Variants in CLDN3 observed in about 807,000 individuals in gnomAD.
The protein encoded by CLDN3 is claudin 3.
A neutral mutation model predicts 16.3 loss-of-function variants in CLDN3; 6 were observed. That is an observed-to-expected ratio of 0.37 (90% CI 0.20 to 0.73). CLDN3 has a LOEUF of 0.73. Among genes scored for constraint, CLDN3 ranks in the 30% least tolerant of loss-of-function variants. CLDN3 has a pLI of 0.52. For missense variants in CLDN3, 248 were observed against 305.2 expected, an observed-to-expected ratio of 0.81 and a Z score of 1.40; for synonymous variants, 145 against 150.1, an observed-to-expected ratio of 0.97 and a Z score of 0.25.
Position 73,769,721 on chromosome 7 carries a change from T to A in CLDN3, c.329A>T (p.Asp110Val). ...GAQCTNCVQD[D>V]TAKAKITIVA... is the part of the protein sequence containing the mutation. Reference sequence around the variant, plus strand: ...GATGGTGATCTTGGCCTTGGCCGTGTCGTCCTGCACGCAGTTGGTGCACTG... The same window carrying A: ...GATGGTGATCTTGGCCTTGGCCGTGACGTCCTGCACGCAGTTGGTGCACTG... Residue 110 changes from aspartate (D) to valine (V), a missense_variant, in exon 1 of 1, where the codon GAC becomes GTC. Physicochemically the swap from Asp to Val is radical, Grantham distance 152. Transcript: ENST00000395145. 2 of 1,612,146 alleles carry A rather than the reference T, an allele frequency of 1.2e-6. No homozygotes were observed. The highest frequency in any genetic ancestry group is 1.7e-6 in the Non-Finnish European group (2 of 1,179,458).
In CLDN3 at chr7:73,769,648, C is replaced by G. The variant is rs1787015228; in HGVS notation, c.402G>C (p.Pro134=). Reference sequence around the variant, plus strand: ...TAATGGTGTTGGCCGACCAGGACACCGGCACGAGGGTGAGCAGGGCGGCGA... The same window carrying G: ...TAATGGTGTTGGCCGACCAGGACACGGGCACGAGGGTGAGCAGGGCGGCGA... ...FLLAALLTLV[P]VSWSANTIIR... Residue 134 remains proline, a synonymous_variant, in exon 1 of 1, where the codon CCG becomes CCC. Transcript: ENST00000395145. The G allele has an allele frequency of 6.2e-7, 1 of 1,612,918 alleles. No individual in the cohort carries two copies. Among genetic ancestry groups the G allele is most frequent in the Non-Finnish European group, 8.5e-7 (1 of 1,179,812 alleles).
Position 73,769,736 on chromosome 7 carries a change from TTGG to T in CLDN3, c.311_313del (p.Thr104del). ...CTTGGCCGTGTCGTCCTGCACGCAG[TTGG>T]TGCACTGGGCGCCCACCAGCGCCAC... On this transcript the variant is annotated inframe_deletion, in exon 1 of 1. Coordinates refer to ENST00000395145, the MANE Select transcript of CLDN3 (RefSeq NM_001306.4). 1 of 1,611,576 alleles carries T rather than the reference TTGG, an allele frequency of 6.2e-7. No homozygotes were observed. The highest frequency in any genetic ancestry group is 8.5e-7 in the Non-Finnish European group (1 of 1,179,038).
Position 73,769,097 on chromosome 7 carries a change from G to T in CLDN3, c.*290C>A. ...TGGGGGCAGCGGCCCGATGGGGCTC[G>T]ACGGGGTGGTCAAGTATTGGCGGTC... On this transcript the variant is annotated 3_prime_UTR_variant, in exon 1 of 1. Transcript: ENST00000395145. 1.5e-6 allele frequency: 1 copy of T among 654,828 alleles called. No homozygotes were observed. Among genetic ancestry groups the T allele is most frequent in the Non-Finnish European group, 2.3e-6 (1 of 433,640 alleles). The allele number at this position is 654,828 out of a possible 1,614,324, so 40.6% of individuals were successfully genotyped here. A position where few individuals can be genotyped will look rare whatever the true frequency, so the allele number is the denominator to read the frequency against.
Position 73,769,720 on chromosome 7 carries a change from G to A in CLDN3, c.330C>T (p.Asp110=), listed in dbSNP as rs201876500. 1.4e-5 allele frequency: 22 copies of A among 1,612,128 alleles called. No individual in the cohort carries two copies. The Admixed American group carries it at 3.7e-4, about 27-fold the overall frequency. Residue 110 remains aspartate, a synonymous_variant, in exon 1 of 1, where the codon GAC becomes GAT. Transcript: ENST00000395145. ...GAQCTNCVQD[D]TAKAKITIVA... ...CGATGGTGATCTTGGCCTTGGCCGT[G>A]TCGTCCTGCACGCAGTTGGTGCACT... is the stretch of plus-strand genomic sequence containing the variant.
rs149948419 is a variant in CLDN3 at position 73,769,800 on chromosome 7, C to G, written c.250G>C (p.Val84Leu). 95 of 1,611,882 alleles carry G rather than the reference C, an allele frequency of 5.9e-5. No individual in the cohort carries two copies. The African/African-American group carries it at 1.0e-3, about 18-fold the overall frequency. ...QDLQAARALIVVAILLAAFGL... is the reference protein window; with the variant it reads ...QDLQAARALILVAILLAAFGL... ...AAGGCGGCCAGCAGGATGGCCACCA[C>G]GATGAGGGCGCGGGCCGCCTGAAGG... is the stretch of plus-strand genomic sequence containing the variant. The change falls in exon 1 of 1, where the codon GTG (valine) becomes CTG (leucine). Residue 84 changes from valine to leucine, a missense_variant. Physicochemically the swap from Val to Leu is conservative, Grantham distance 32 (BLOSUM62 1). Transcript: ENST00000395145.
At position 73,769,527 on chromosome 7, in the gene CLDN3, G is replaced by A. The variant is rs550289178; in HGVS notation, c.523C>T (p.Leu175=). The A allele has an allele frequency of 1.9e-6, 3 of 1,605,788 alleles. No individual in the cohort carries two copies. The highest frequency in any genetic ancestry group is 2.2e-5 in the East Asian group (1 of 44,758). The change falls in exon 1 of 1, where the codon CTG becomes TTG. Residue 175 remains leucine, a synonymous_variant. Transcript: ENST00000395145. ...VGWAAAALQL[L]GGALLCCSCP... is the part of the protein sequence containing the mutation. ...GAGCAGCAGAGCAGCGCGCCCCCCA[G>A]CAGCTGCAGCGCCGCGGCCGCCCAG...
rs1786999812 is a variant in CLDN3 at position 73,769,129 on chromosome 7, GC to G, written c.*257del. 2 of 900,834 alleles carry G rather than the reference GC, an allele frequency of 2.2e-6. No individual in the cohort carries two copies. Among genetic ancestry groups the G allele is most frequent in the Admixed American group, 7.2e-5 (2 of 27,644 alleles). The allele number at this position is 900,834 out of a possible 1,614,324, so 55.8% of individuals were successfully genotyped here. The stretch of plus-strand genomic sequence containing the variant: ...TGGTCAAGTATTGGCGGTCACCCAG[GC>G]CCCGTGCTCCAGAAGGGTGAGGTTT... On this transcript the variant is annotated 3_prime_UTR_variant, in exon 1 of 1. Transcript: ENST00000395145.
rs377022903 is a variant in CLDN3, at chr7:73,769,123, A to AC, written c.*263dup. 5.8e-5 allele frequency: 49 copies of AC among 841,860 alleles called. No homozygotes were observed. The African/African-American group carries it at 8.3e-4, about 14-fold the overall frequency. 52.1% of individuals were successfully genotyped at this position (841,860 alleles called of 1,614,324 possible). The stretch of plus-strand genomic sequence containing the variant: ...ACGGGGTGGTCAAGTATTGGCGGTC[A>AC]CCCAGGCCCCGTGCTCCAGAAGGGT... On this transcript the variant is annotated 3_prime_UTR_variant, in exon 1 of 1. Transcript: ENST00000395145.
Position 73,769,004 on chromosome 7 carries a change from C to G in CLDN3, c.*383G>C. ...CAAGGAGGCTCCAGCGAGTGCAAAA[C>G]GAAAGGCTTTTATTGAAAAATATCA... On this transcript the variant is annotated 3_prime_UTR_variant, in exon 1 of 1. Transcript: ENST00000395145. The G allele has an allele frequency of 3.7e-6, 1 of 270,730 alleles. No homozygotes were observed. Among genetic ancestry groups the G allele is most frequent in the Non-Finnish European group, 6.9e-6 (1 of 144,594 alleles). 16.8% of individuals were successfully genotyped at this position (270,730 alleles called of 1,614,324 possible). A position where few individuals can be genotyped will look rare whatever the true frequency, so the allele number is the denominator to read the frequency against.
rs985607693 is a variant in CLDN3 at position 73,770,137 on chromosome 7, G to A, written c.-88C>T. 64 of 1,379,008 alleles carry A rather than the reference G, an allele frequency of 4.6e-5. No homozygotes were observed. The highest frequency in any genetic ancestry group is 5.3e-5 in the Non-Finnish European group (57 of 1,073,216). The allele number at this position is 1,379,008 out of a possible 1,614,324, so 85.4% of individuals were successfully genotyped here. On this transcript the variant is annotated 5_prime_UTR_variant, in exon 1 of 1. Coordinates refer to ENST00000395145, the MANE Select transcript of CLDN3 (RefSeq NM_001306.4). The surrounding 1 kb of genome is among the most constrained non-coding windows in gnomAD (Gnocchi z 5.7). ...GCCGCTGGGCCTGGCGGGAGCTGCG[G>A]CGCCCCGACGGACGGACGGACGGAC...
rs1371553745 is a variant in CLDN3 at position 73,769,086 on chromosome 7, C to G, written c.*301G>C. On this transcript the variant is annotated 3_prime_UTR_variant, in exon 1 of 1. Coordinates refer to ENST00000395145, the MANE Select transcript of CLDN3 (RefSeq NM_001306.4). ...CAGCGCGAGCATGGGGGCAGCGGCCCGATGGGGCTCGACGGGGTGGTCAAG... is the reference window on the plus strand; with the variant it reads ...CAGCGCGAGCATGGGGGCAGCGGCCGGATGGGGCTCGACGGGGTGGTCAAG... The G allele has an allele frequency of 1.0e-5, 6 of 580,510 alleles. No individual in the cohort carries two copies. The highest frequency in any genetic ancestry group is 7.8e-5 in the Admixed American group (2 of 25,570). The allele number at this position is 580,510 out of a possible 1,614,324, so 36.0% of individuals were successfully genotyped here. A position where few individuals can be genotyped will look rare whatever the true frequency, so the allele number is the denominator to read the frequency against.
At position 73,769,756 on chromosome 7, in the gene CLDN3, C is replaced by G; in HGVS notation, c.294G>C (p.Leu98=). The G allele has an allele frequency of 6.2e-7, 1 of 1,610,746 alleles. No homozygotes were observed. Among genetic ancestry groups the G allele is most frequent in the African/African-American group, 1.3e-5 (1 of 75,036 alleles). The part of the protein sequence containing the change: ...LLAAFGLLVA[L]VGAQCTNCVQ... ...CGCAGTTGGTGCACTGGGCGCCCAC[C>G]AGCGCCACTAGCAGCCCGAAGGCGG... Residue 98 remains leucine, a synonymous_variant, in exon 1 of 1, where the codon CTG becomes CTC. Coordinates refer to ENST00000395145, the MANE Select transcript of CLDN3 (RefSeq NM_001306.4).
chr7:73,769,674 G>A lies in CLDN3; in HGVS notation c.376C>T (p.Leu126Phe). Residue 126 changes from leucine to phenylalanine, a missense_variant, in exon 1 of 1, where the codon CTC becomes TTC. Leu to Phe is a conservative substitution (Grantham distance 22). Transcript: ENST00000395145. ...GGCACGAGGGTGAGCAGGGCGGCGA[G>A]AAGGAACAGCACGCCTGCCACGATG... is the stretch of plus-strand genomic sequence containing the variant. Reference protein sequence around the residue: ...ITIVAGVLFLLAALLTLVPVS... With the variant: ...ITIVAGVLFLFAALLTLVPVS... The A allele has an allele frequency of 6.2e-7, 1 of 1,612,924 alleles. No individual in the cohort carries two copies. The highest frequency in any genetic ancestry group is 2.2e-5 in the East Asian group (1 of 44,862).
Position 73,770,126 on chromosome 7 carries a change from C to T in CLDN3, c.-77G>A, listed in dbSNP as rs1787026383. On this transcript the variant is annotated 5_prime_UTR_variant, in exon 1 of 1. Transcript: ENST00000395145. The surrounding 1 kb of genome is among the most constrained non-coding windows in gnomAD (Gnocchi z 5.7). ...GAGGGGCCGGGGCCGCTGGGCCTGG[C>T]GGGAGCTGCGGCGCCCCGACGGACG... 3 of 1,383,224 alleles carry T rather than the reference C, an allele frequency of 2.2e-6. No homozygotes were observed. Among genetic ancestry groups the T allele is most frequent in the Non-Finnish European group, 2.8e-6 (3 of 1,075,394 alleles). 85.7% of individuals were successfully genotyped at this position (1,383,224 alleles called of 1,614,324 possible). A position where few individuals can be genotyped will look rare whatever the true frequency, so the allele number is the denominator to read the frequency against.
Position 73,769,975 on chromosome 7 carries a change from C to T in CLDN3, c.75G>A (p.Ala25=). The change falls in exon 1 of 1, where the codon GCG becomes GCA. Residue 25 remains alanine (A), a synonymous_variant. Transcript: ENST00000395145. ...AGGCCGACACGCGCCACATGGGCAA[C>T]GCGCAGCACACGATGGTGCCCAGCC... ...LGWLGTIVCC[A]LPMWRVSAFI... is the part of the protein sequence containing the mutation. 6.2e-7 allele frequency: 1 copy of T among 1,613,344 alleles called. No homozygotes were observed.
At position 73,769,749 on chromosome 7, in the gene CLDN3, C is replaced by A. The variant is rs1554626707; in HGVS notation, c.301G>T (p.Ala101Ser). The A allele has an allele frequency of 6.2e-7, 1 of 1,609,954 alleles. No homozygotes were observed. Among genetic ancestry groups the A allele is most frequent in the African/African-American group, 1.3e-5 (1 of 74,898 alleles). The stretch of plus-strand genomic sequence containing the variant: ...TCCTGCACGCAGTTGGTGCACTGGG[C>A]GCCCACCAGCGCCACTAGCAGCCCG... ...AFGLLVALVG[A>S]QCTNCVQDDT... The change falls in exon 1 of 1, where the codon GCC becomes TCC. Residue 101 changes from alanine to serine, a missense_variant. By Grantham distance (99) the Ala-to-Ser change is moderately conservative. Coordinates refer to ENST00000395145, the MANE Select transcript of CLDN3 (RefSeq NM_001306.4).
chr7:73,769,202 G>C lies in CLDN3; in HGVS notation c.*185C>G. 2 of 1,407,006 alleles carry C rather than the reference G, an allele frequency of 1.4e-6. No individual in the cohort carries two copies. The highest frequency in any genetic ancestry group is 1.9e-6 in the Non-Finnish European group (2 of 1,080,216). 87.2% of individuals were successfully genotyped at this position (1,407,006 alleles called of 1,614,324 possible). ...CCTGGGCCCCGAAGTCGACTGCCCGGCCCGCAAAGCCGTGGCTGCTGGGGA... is the reference window on the plus strand; with the variant it reads ...CCTGGGCCCCGAAGTCGACTGCCCGCCCCGCAAAGCCGTGGCTGCTGGGGA... On this transcript the variant is annotated 3_prime_UTR_variant, in exon 1 of 1. Coordinates refer to ENST00000395145, the MANE Select transcript of CLDN3 (RefSeq NM_001306.4).
In CLDN3 at chr7:73,769,328, C is replaced by T. The variant is rs1316035574; in HGVS notation, c.*59G>A. ...ATGGCCTGGTGCGCGCTCCAGCTCGCGGTGGTGGTGGTGGTGTTGGTGGTG... is the reference window on the plus strand; with the variant it reads ...ATGGCCTGGTGCGCGCTCCAGCTCGTGGTGGTGGTGGTGGTGTTGGTGGTG... On this transcript the variant is annotated 3_prime_UTR_variant, in exon 1 of 1. Transcript: ENST00000395145. 14 of 1,536,384 alleles carry T rather than the reference C, an allele frequency of 9.1e-6. No individual in the cohort carries two copies. The highest frequency in any genetic ancestry group is 1.1e-5 in the Non-Finnish European group (13 of 1,148,138).
Position 73,769,210 on chromosome 7 carries a change from A to T in CLDN3, c.*177T>A. The T allele has an allele frequency of 7.1e-7, 1 of 1,416,620 alleles. No individual in the cohort carries two copies. The highest frequency in any genetic ancestry group is 9.2e-7 in the Non-Finnish European group (1 of 1,088,390). The allele number at this position is 1,416,620 out of a possible 1,614,324, so 87.8% of individuals were successfully genotyped here. A position where few individuals can be genotyped will look rare whatever the true frequency, so the allele number is the denominator to read the frequency against. The stretch of plus-strand genomic sequence containing the variant: ...CCGAAGTCGACTGCCCGGCCCGCAA[A>T]GCCGTGGCTGCTGGGGAAGCTGCCC... On this transcript the variant is annotated 3_prime_UTR_variant, in exon 1 of 1. Coordinates refer to ENST00000395145, the MANE Select transcript of CLDN3 (RefSeq NM_001306.4).
Sources: gnomAD v4.1 joint callset for allele counts on GRCh38, gnomAD v4.1.1 for gene constraint, Gnocchi (gnomAD v3.1) non-coding constraint, MANE v1.5 for transcripts, NCBI Gene and HGNC (gene_info 2026-07-23, HGNC 2026-07-21) for gene names.